HNF4A: variants seen among roughly 807,000 people sequenced by gnomAD.
The protein encoded by HNF4A is hepatocyte nuclear factor 4-alpha.
A neutral mutation model predicts 52.4 loss-of-function variants in HNF4A; 15 were observed. That is an observed-to-expected ratio of 0.29 (90% CI 0.19 to 0.44). The LOEUF (loss-of-function observed/expected upper bound fraction) is 0.44. Among genes scored for constraint, HNF4A ranks in the 20% least tolerant of loss-of-function variants. HNF4A has a pLI of 1.00. For missense variants in HNF4A, 479 were observed against 647.2 expected (o/e 0.74, Z 2.82); for synonymous variants, 280 against 264.4 (o/e 1.06, Z -0.57).
chr20:44,359,647 C>T (rs999149911), intron 1 of HNF4A, among the ~76,000 whole-genome samples: 3 of 152,156 alleles, frequency 2.0e-5, no homozygotes, highest in African/African-American at 7.2e-5. Flanking sequence ...AGGGGCTGTC[C>T]TGTGCACTGT....
exon 1 of HNF4A, chr20:44,355,719 G>A (rs2062849481): frequency 2.4e-6 from 3 of 1,233,096 alleles, no homozygotes; most frequent in Non-Finnish European, 3.6e-6. Context: ...CCTTCCTGGT[G>A]GACGGGCTCC....
chr20:44,424,713 G>A, intron 8 of HNF4A: 1 of 726,314 alleles, frequency 1.4e-6, no homozygotes, highest in Non-Finnish European at 1.9e-6. Context: ...GGTGACTCTT[G>A]TGCTAAGACC....
chr20:44,416,060 C>G (rs1270771524), intron 5 of HNF4A, among the ~76,000 whole-genome samples: 1 of 152,162 alleles, frequency 6.6e-6, no homozygotes, highest in African/African-American at 2.4e-5. Context: ...CTGGCTGGGG[C>G]TCAGAGCATT....
intron 3 of HNF4A, among the ~76,000 whole-genome samples, chr20:44,408,725 A>T (rs7363844): frequency 0.35 from 53,124 of 151,362 alleles, 9,569 homozygotes; most frequent in Middle Eastern, 0.44. Context: ...AGACTCTCTC[A>T]AAAAAAATAA....
At chr20:44,384,334 ATAAAT>A (rs2063193417) in intron 1 of HNF4A, among the ~76,000 whole-genome samples, 1 of 152,134 alleles carries the variant, frequency 6.6e-6, no homozygotes, top group South Asian at 2.1e-4. Context: ...TCTTTCTAAA[ATAAAT>A]TGAAGTAAAA....
intron 1 of HNF4A, among the ~76,000 whole-genome samples, chr20:44,369,778 G>T (rs2063012624): frequency 6.6e-6 from 1 of 151,896 alleles, no homozygotes; most frequent in South Asian, 2.1e-4. Context: ...GGGATTACAG[G>T]CGCGTGTCAC....
chr20:44,361,947 G>A (rs2062921888), intron 1 of HNF4A, among the ~76,000 whole-genome samples: 2 of 152,242 alleles, frequency 1.3e-5, no homozygotes, highest in South Asian at 2.1e-4. Flanking sequence ...GAGAAGAGAC[G>A]GTGGGGAAGA....
chr20:44,371,593 G>A (rs1350648356), intron 1 of HNF4A, among the ~76,000 whole-genome samples: 2 of 152,202 alleles, frequency 1.3e-5, no homozygotes, highest in African/African-American at 4.8e-5. Flanking sequence ...GGGAGGTGGA[G>A]GTGGGCAGAT....
chr20:44,390,859 C>A (rs1380667432), intron 1 of HNF4A, among the ~76,000 whole-genome samples: 1 of 152,092 alleles, frequency 6.6e-6, no homozygotes, highest in Non-Finnish European at 1.5e-5. Context: ...GAAGGAGAAT[C>A]CAGACGACCT....
rs545178754 is a variant in HNF4A at position 44,383,356 on chromosome 20, A to C, written c.50-22702A>C. On this transcript the variant is annotated intron_variant, in intron 1 of 9. Coordinates refer to the HNF4A transcript ENST00000316673. ...TATGGTCACTATTTTGCAAATAAGA[A>C]AACAGTCACAGAGCAGTTCAGTAAC... 1.8e-4 allele frequency among the ~76,000 whole-genome samples: 28 copies of C among 152,276 alleles called. 1 individual carries two copies. Among genetic ancestry groups the C allele is most frequent in the African/African-American group, 6.7e-4 (28 of 41,554 alleles).
intron 1 of HNF4A, among the ~76,000 whole-genome samples, chr20:44,392,395 G>A (rs1484225172): frequency 6.6e-6 from 1 of 152,138 alleles, no homozygotes; most frequent in African/African-American, 2.4e-5. Context: ...CCCCCCTACA[G>A]TGGGTCTCAA....
chr20:44,412,646 C>CGCAAG (rs1481366155), intron 3 of HNF4A, among the ~76,000 whole-genome samples: 1 of 152,132 alleles, frequency 6.6e-6, no homozygotes, highest in Admixed American at 6.5e-5. Context: ...AGACTGCAGG[C>CGCAAG]GCAAGGCAGA....
At chr20:44,404,397 G>T (rs961692561) in intron 1 of HNF4A, among the ~76,000 whole-genome samples, 4 of 152,154 alleles carry the variant, frequency 2.6e-5, no homozygotes, top group Non-Finnish European at 4.4e-5. Context: ...TACCTACAGT[G>T]CATGGCCCTC....
At chr20:44,368,086 ATGTGTGTG>A (rs544910153) in intron 1 of HNF4A, among the ~76,000 whole-genome samples, 2 of 102,252 alleles carry the variant, frequency 2.0e-5, no homozygotes, top group Admixed American at 1.2e-4. Context: ...ATATATATAT[ATGTGTGTG>A]TGTGTGTGTG....
intron 7 of HNF4A, among the ~76,000 whole-genome samples, chr20:44,420,844 A>G (rs1206681077): frequency 6.6e-6 from 1 of 152,108 alleles, no homozygotes; most frequent in Non-Finnish European, 1.5e-5. Context: ...AAATAAATAA[A>G]TCTACACATA....
rs555924167 is a variant in HNF4A at position 44,384,133 on chromosome 20, G to A, written c.50-21925G>A. Among the ~76,000 whole-genome samples, 274 of 147,002 alleles carry A rather than the reference G, an allele frequency of 1.9e-3. 1 individual carries two copies. The highest frequency in any genetic ancestry group is 6.4e-3 in the African/African-American group (255 of 39,830). ...CCCAAATTCCTGGGATTACAGGTGT[G>A]AGCCATCACGCCTGGCCCCTGGCTC... is the stretch of plus-strand genomic sequence containing the variant. On this transcript the variant is annotated intron_variant, in intron 1 of 9. Transcript: ENST00000316673.
At chr20:44,396,935 G>T (rs1026803421), upstream of HNF4A, among the ~76,000 whole-genome samples, 1 of 152,174 alleles carries the variant, frequency 6.6e-6, no homozygotes, top group African/African-American at 2.4e-5. Flanking sequence ...GGGAAGAGAG[G>T]CTAAGAAGCT....
chr20:44,395,582 T>A (rs1198769218), intron 1 of HNF4A: 2 of 152,114 alleles, frequency 1.3e-5, no homozygotes, highest in African/African-American at 4.8e-5. Flanking sequence ...AGCCTCTTGG[T>A]GGCCCAGACC....
intron 8 of HNF4A, among the ~76,000 whole-genome samples, chr20:44,427,159 A>G (rs2063823526): frequency 6.6e-6 from 1 of 152,204 alleles, no homozygotes; most frequent in Non-Finnish European, 1.5e-5. Flanking sequence ...GTCTTTGGAT[A>G]TTGTCAAATG....
Sources: gnomAD v4.1 joint callset for allele counts (sites outside exome capture counted in the v4.1 genomes callset) on GRCh38, gnomAD v4.1.1 for gene constraint, MANE v1.5 for transcripts, NCBI Gene and HGNC (gene_info 2026-07-23, HGNC 2026-07-21) for gene names.